The following RANBP17 variants were observed in gnomAD, a reference collection of about 807,000 sequenced individuals.
RANBP17 encodes ran-binding protein 17.
A neutral mutation model predicts 141.2 loss-of-function variants in RANBP17; 158 were observed. The ratio of observed to expected loss-of-function variants is 1.12; its 90% CI spans 0.98 to 1.28. The LOEUF is 1.28. Among genes scored for constraint, RANBP17 ranks in the 50% most tolerant of loss-of-function variants. The pLI is 0.00. For synonymous variants in RANBP17, 430 were observed against 450.0 expected, an observed-to-expected ratio of 0.96 and a Z score of 0.56; for missense variants, 1,438 against 1,290.7, an observed-to-expected ratio of 1.11 and a Z score of -1.75.
chr5:171,153,075 CA>C (rs1487224302), intron 14 of RANBP17, among the ~76,000 whole-genome samples: 2 of 152,166 alleles, frequency 1.3e-5, no homozygotes, highest in Non-Finnish European at 2.9e-5. Context: ...AGTGTCTATA[CA>C]TATCTTGTAT....
intron 14 of RANBP17, among the ~76,000 whole-genome samples, chr5:171,060,316 C>G (rs1783721962): frequency 1.4e-5 from 2 of 142,924 alleles, no homozygotes; most frequent in South Asian, 5.4e-4. Flanking sequence ...ATAGATAGCT[C>G]TTATTATTTT....
intron 22 of RANBP17, among the ~76,000 whole-genome samples, chr5:171,222,918 T>C (rs1216973573): frequency 2.0e-5 from 3 of 152,198 alleles, no homozygotes; most frequent in Non-Finnish European, 2.9e-5. Context: ...CATGAGCCAC[T>C]GCACCCAGCC....
chr5:170,874,692 A>G (rs1379186372), intron 1 of RANBP17, among the ~76,000 whole-genome samples: 2 of 149,908 alleles, frequency 1.3e-5, no homozygotes, highest in Non-Finnish European at 3.0e-5. Flanking sequence ...AAATTTTCCT[A>G]CATCCCTTTA....
At chr5:171,259,281 A>G (rs1184259321) in intron 24 of RANBP17, among the ~76,000 whole-genome samples, 1 of 152,214 alleles carries the variant, frequency 6.6e-6, no homozygotes, top group Non-Finnish European at 1.5e-5. Flanking sequence ...AATGTAAACT[A>G]ATACAGCCAC....
chr5:171,203,482 AAC>A (rs1187904227), intron 19 of RANBP17, among the ~76,000 whole-genome samples: 2 of 152,176 alleles, frequency 1.3e-5, no homozygotes, highest in African/African-American at 2.4e-5. Flanking sequence ...TATTCACATT[AAC>A]ACTGAATTTT....
intron 25 of RANBP17, among the ~76,000 whole-genome samples, chr5:171,284,261 T>G (rs1312915854): frequency 6.6e-6 from 1 of 152,204 alleles, no homozygotes; most frequent in African/African-American, 2.4e-5. Context: ...TCTGGCATCC[T>G]TCTCTTCATT....
intron 14 of RANBP17, among the ~76,000 whole-genome samples, chr5:171,057,722 C>T (rs565836380): frequency 3.3e-5 from 5 of 152,062 alleles, no homozygotes; most frequent in South Asian, 4.2e-4. Context: ...ACAGTCATAG[C>T]AGAAAGGAAA....
chr5:171,205,454 G>A (rs1452542343), intron 19 of RANBP17, 70 bp from the exon 20 acceptor site: 1 of 1,239,794 alleles, frequency 8.1e-7, no homozygotes, highest in African/African-American at 1.5e-5. Context: ...GGTCATTATT[G>A]CCTGATTATT....
chr5:171,088,465 A>G (rs1785885098), intron 14 of RANBP17, among the ~76,000 whole-genome samples: 2 of 152,108 alleles, frequency 1.3e-5, no homozygotes. Flanking sequence ...CTCGAGGAGT[A>G]TCTTTGTGGC....
intron 14 of RANBP17, among the ~76,000 whole-genome samples, chr5:171,112,204 A>G (rs1156721691): frequency 6.6e-6 from 1 of 152,130 alleles, no homozygotes; most frequent in East Asian, 1.9e-4. Flanking sequence ...GTGAGCAGGG[A>G]TAACAGTTGT....
intron 14 of RANBP17, among the ~76,000 whole-genome samples, chr5:171,100,610 T>C (rs1427807809): frequency 6.6e-6 from 1 of 152,210 alleles, no homozygotes; most frequent in African/African-American, 2.4e-5. Flanking sequence ...TCAGTTCTGC[T>C]CTGATCTTAG....
chr5:171,112,215 C>A (rs924545016), intron 14 of RANBP17, among the ~76,000 whole-genome samples: 2 of 152,026 alleles, frequency 1.3e-5, no homozygotes, highest in African/African-American at 4.8e-5. Flanking sequence ...TAACAGTTGT[C>A]CTCAATATAA....
intron 14 of RANBP17, among the ~76,000 whole-genome samples, chr5:171,146,194 G>A (rs564458612): frequency 1.3e-5 from 2 of 152,238 alleles, no homozygotes; most frequent in African/African-American, 4.8e-5. Flanking sequence ...TCTTCTATGC[G>A]TATAAGAGTT....
intron 25 of RANBP17, 114 bp downstream of exon 25, chr5:171,265,961 A>AATAT (rs530993601): frequency 6.6e-6 from 5 of 761,206 alleles, no homozygotes; most frequent in Non-Finnish European, 1.0e-5. Flanking sequence ...ACTGGTAAAA[A>AATAT]ATATATATAT....
intron 14 of RANBP17, among the ~76,000 whole-genome samples, chr5:171,129,683 A>T (rs1350424475): frequency 6.6e-6 from 1 of 152,230 alleles, no homozygotes; most frequent in Admixed American, 6.5e-5. Context: ...CACAGAAATA[A>T]ATTAGTATGA....
intron 3 of RANBP17, among the ~76,000 whole-genome samples, chr5:170,885,186 C>T (rs1437022621): frequency 1.3e-5 from 2 of 152,088 alleles, no homozygotes; most frequent in Admixed American, 1.3e-4. Context: ...TAGGTTAAGA[C>T]TCATGTCTAT....
At chr5:171,087,545 T>C (rs1352688833) in intron 14 of RANBP17, among the ~76,000 whole-genome samples, 1 of 151,900 alleles carries the variant, frequency 6.6e-6, no homozygotes, top group Non-Finnish European at 1.5e-5. Flanking sequence ...TGTTGATCTG[T>C]CTAATGTTGA....
chr5:171,059,429 C>T (rs76606938), intron 14 of RANBP17, among the ~76,000 whole-genome samples: 3 of 152,082 alleles, frequency 2.0e-5, no homozygotes, highest in East Asian at 3.9e-4. Context: ...AAATCCTTTC[C>T]CCATTGCTTG....
intron 25 of RANBP17, among the ~76,000 whole-genome samples, chr5:171,287,695 G>A (rs913252618): frequency 6.6e-6 from 1 of 151,192 alleles, no homozygotes; most frequent in East Asian, 1.9e-4. Context: ...TCCTTCCTTC[G>A]CCTAAACCAG....
Sources: allele counts gnomAD v4.1 joint callset (sites outside exome capture counted in the v4.1 genomes callset), GRCh38; gene constraint gnomAD v4.1.1; transcripts MANE v1.5; gene names NCBI Gene and HGNC (gene_info 2026-07-23, HGNC 2026-07-21).